The following DGKB variants were observed in gnomAD, a reference collection of about 807,000 sequenced individuals.
DGKB encodes 90 kDa diacylglycerol kinase.
A neutral mutation model predicts 114.3 loss-of-function variants in DGKB; 67 were observed. That is an observed-to-expected ratio of 0.59 (90% CI 0.48 to 0.72). The LOEUF (loss-of-function observed/expected upper bound fraction) is 0.72, where lower values mean the gene tolerates loss of function less well. DGKB is among the 30% of genes least tolerant of loss of function. DGKB has a pLI of 0.00. For missense variants in DGKB, 907 were observed against 975.2 expected (o/e 0.93, Z 0.93); for synonymous variants, 398 against 323.1 (o/e 1.23, Z -2.49).
At chr7:14,172,888 A>T (rs1781216795) in intron 25 of DGKB, among the ~76,000 whole-genome samples, 1 of 152,154 alleles carries the variant, frequency 6.6e-6, no homozygotes, top group African/African-American at 2.4e-5. Context: ...TCTTCCCATT[A>T]TAAGAACATA....
intron 1 of DGKB, among the ~76,000 whole-genome samples, chr7:14,877,555 C>CA (rs201650161): frequency 0.012 from 1,876 of 151,966 alleles, 27 homozygotes; most frequent in Admixed American, 0.018. Flanking sequence ...AACTTTGTCT[C>CA]AAAAAACAAA....
chr7:14,176,232 G>A, intron 25 of DGKB: 1 of 607,912 alleles, frequency 1.6e-6, no homozygotes, highest in Non-Finnish European at 2.1e-6. Context: ...TACTCCCAGT[G>A]CCAAAAGCAG....
chr7:14,885,821 T>G (rs947082449), intron 1 of DGKB, among the ~76,000 whole-genome samples: 1 of 151,860 alleles, frequency 6.6e-6, no homozygotes, highest in Non-Finnish European at 1.5e-5. Context: ...AACTAGTAAG[T>G]GCTAAAGTCA....
chr7:14,375,254 G>A (rs929043176), intron 21 of DGKB, among the ~76,000 whole-genome samples: 1 of 152,216 alleles, frequency 6.6e-6, no homozygotes, highest in Non-Finnish European at 1.5e-5. Context: ...TCCAGGCAGT[G>A]TAACAGTTTT....
chr7:14,843,534 C>T (rs1199014070), intron 1 of DGKB, among the ~76,000 whole-genome samples: 2 of 151,168 alleles, frequency 1.3e-5, no homozygotes, highest in Non-Finnish European at 2.9e-5. Flanking sequence ...CGGGGTTTCA[C>T]CTTGTTAGCC....
At chr7:14,170,144 A>AG (rs1562522853) in intron 25 of DGKB, among the ~76,000 whole-genome samples, 35 of 122,794 alleles carry the variant, frequency 2.9e-4, no homozygotes, top group African/African-American at 8.0e-4. Flanking sequence ...CAAAAAAAAA[A>AG]AAAAGAAAGA....
chr7:14,767,474 G>A (rs1836638236), intron 2 of DGKB, among the ~76,000 whole-genome samples: 1 of 151,880 alleles, frequency 6.6e-6, no homozygotes, highest in South Asian at 2.1e-4. Context: ...TTCATTGACA[G>A]TGAGCCCTTA....
chr7:14,463,542 G>C (rs1055879312), intron 21 of DGKB, among the ~76,000 whole-genome samples: 2 of 152,076 alleles, frequency 1.3e-5, no homozygotes, highest in Non-Finnish European at 2.9e-5. Flanking sequence ...TCATCTTACA[G>C]TATTATATAT....
intron 20 of DGKB, among the ~76,000 whole-genome samples, chr7:14,488,887 A>C (rs1469956073): frequency 6.7e-6 from 1 of 150,082 alleles, no homozygotes; most frequent in Non-Finnish European, 1.5e-5. Context: ...ACAACAACAA[A>C]AATTATTTTC....
chr7:14,231,489 A>G (rs908958361), intron 23 of DGKB, among the ~76,000 whole-genome samples: 1 of 152,022 alleles, frequency 6.6e-6, no homozygotes, highest in African/African-American at 2.4e-5. Context: ...ATTTATTAGC[A>G]TTTGAAAGAG....
chr7:14,195,697 T>A lies in DGKB; in HGVS notation c.2123-17546A>T, dbSNP rs143939373. The stretch of plus-strand genomic sequence containing the variant: ...ATGAAAAACACATAAAAATAAAATT[T>A]TAGAAACATGGTAGTACATTTGAAC... On this transcript the variant is annotated intron_variant, in intron 23 of 25. Coordinates refer to ENST00000402815, the MANE Select transcript of DGKB (RefSeq NM_001350709.2). 2.2e-3 allele frequency among the ~76,000 whole-genome samples: 337 copies of A among 152,250 alleles called. 1 individual carries two copies. Among genetic ancestry groups the A allele is most frequent in the African/African-American group, 7.7e-3 (319 of 41,548 alleles).
intron 21 of DGKB, among the ~76,000 whole-genome samples, chr7:14,442,529 T>G (rs1361752616): frequency 6.6e-6 from 1 of 152,124 alleles, no homozygotes; most frequent in Non-Finnish European, 1.5e-5. Flanking sequence ...TCTCCTCAAA[T>G]TTTTGGAGTT....
intron 20 of DGKB, among the ~76,000 whole-genome samples, chr7:14,518,919 G>A (rs116727341): frequency 1.5e-3 from 234 of 152,136 alleles, no homozygotes; most frequent in African/African-American, 5.4e-3. Context: ...TAGGGTCAGA[G>A]AATTTGCATT....
At chr7:14,702,680 T>G (rs2129012938) in intron 6 of DGKB, among the ~76,000 whole-genome samples, 1 of 152,298 alleles carries the variant, frequency 6.6e-6, no homozygotes, top group East Asian at 1.9e-4. Flanking sequence ...TTTGTATAAT[T>G]TCCTGAATGA....
intron 8 of DGKB, 40 bp downstream of exon 8, chr7:14,698,055 T>C: frequency 9.1e-7 from 1 of 1,099,900 alleles, no homozygotes; most frequent in Non-Finnish European, 1.3e-6. Context: ...AAAGAGGCCT[T>C]CCAGAATTTA....
chr7:14,329,311 A>G (rs935886992), intron 23 of DGKB, among the ~76,000 whole-genome samples: 4 of 151,938 alleles, frequency 2.6e-5, no homozygotes, highest in African/African-American at 9.7e-5. Context: ...TGGCCATTAT[A>G]TCACATCCAT....
chr7:14,182,290 T>C (rs1049951249), intron 23 of DGKB, among the ~76,000 whole-genome samples: 3 of 152,012 alleles, frequency 2.0e-5, no homozygotes, highest in African/African-American at 7.2e-5. Flanking sequence ...CAAATTTTAA[T>C]AATTATTGAA....
chr7:14,833,617 C>A (rs1333538936), intron 2 of DGKB, among the ~76,000 whole-genome samples: 1 of 152,186 alleles, frequency 6.6e-6, no homozygotes, highest in Admixed American at 6.5e-5. Flanking sequence ...CATCTAAAGA[C>A]CCACTTTTTG....
At chr7:14,820,977 T>C (rs554984224) in intron 2 of DGKB, among the ~76,000 whole-genome samples, 133 of 152,236 alleles carry the variant, frequency 8.7e-4, no homozygotes, top group African/African-American at 3.0e-3. Context: ...ACAGTAAATA[T>C]ACTGAATTGT....
Sources: gnomAD v4.1 joint callset for allele counts (sites outside exome capture counted in the v4.1 genomes callset) on GRCh38, gnomAD v4.1.1 for gene constraint, MANE v1.5 for transcripts, NCBI Gene and HGNC (gene_info 2026-07-23, HGNC 2026-07-21) for gene names.